MMP26: variants seen among roughly 807,000 people sequenced by gnomAD.
MMP26 encodes matrix metallopeptidase 26, also known as matrix metalloproteinase-26.
In MMP26, 33 loss-of-function variants were observed where a neutral mutation model predicts 31.0. That is an observed-to-expected ratio of 1.06 (90% CI 0.81 to 1.42). MMP26 has a LOEUF of 1.42. MMP26 is among the 40% of genes most tolerant of loss of function. The probability of loss-of-function intolerance (pLI) is 0.00; values close to 1 mark genes in which losing one functional copy is unlikely to be tolerated. For missense variants in MMP26, 347 were observed against 316.1 expected, an observed-to-expected ratio of 1.10 and a Z score of -0.74; for synonymous variants, 122 against 114.9, an observed-to-expected ratio of 1.06 and a Z score of -0.40.
At position 4,988,194 on chromosome 11, in the gene MMP26, G is replaced by A. The variant is rs1184389297; in HGVS notation, c.-18G>A. On this transcript the variant is annotated 5_prime_UTR_variant, in exon 3 of 8. Coordinates refer to ENST00000380390, the MANE Select transcript of MMP26 (RefSeq NM_021801.5). Reference sequence around the variant, plus strand: ...TTGTGTACCTGAATTCAAGCAGTGGGACAAATGAGGGTTTGGCATGCAGCT... The same window carrying A: ...TTGTGTACCTGAATTCAAGCAGTGGAACAAATGAGGGTTTGGCATGCAGCT... 1 of 1,612,358 alleles carries A rather than the reference G, an allele frequency of 6.2e-7. No individual in the cohort carries two copies. Among genetic ancestry groups the A allele is most frequent in the Non-Finnish European group, 8.5e-7 (1 of 1,178,584 alleles).
chr11:4,872,294 T>C (rs1688822393), intron 2 of MMP26, among the ~76,000 whole-genome samples: 1 of 152,080 alleles, frequency 6.6e-6, no homozygotes, highest in Non-Finnish European at 1.5e-5. Flanking sequence ...GGTTTTTACA[T>C]TGCTCGTGTT....
chr11:4,706,650 A>G (rs1847784957), intron 1 of MMP26, among the ~76,000 whole-genome samples: 1 of 152,026 alleles, frequency 6.6e-6, no homozygotes, highest in Non-Finnish European at 1.5e-5. Flanking sequence ...GATTTACTCT[A>G]ACTTTTAATA....
At chr11:4,847,702 T>G (rs1283115102) in intron 2 of MMP26, 1 of 152,252 alleles carries the variant, frequency 6.6e-6, no homozygotes, top group Non-Finnish European at 1.5e-5. Context: ...CCTGGCCTGA[T>G]CAGAGTTAAA....
At chr11:4,957,296 C>T (rs1448823692) in intron 2 of MMP26, among the ~76,000 whole-genome samples, 1 of 152,160 alleles carries the variant, frequency 6.6e-6, no homozygotes, top group Non-Finnish European at 1.5e-5. Context: ...AAAACATAAA[C>T]ATTCCAAAGA....
intron 2 of MMP26, among the ~76,000 whole-genome samples, chr11:4,966,661 GAAC>G (rs1393174099): frequency 1.3e-5 from 2 of 152,146 alleles, no homozygotes; most frequent in Non-Finnish European, 2.9e-5. Context: ...TCTTTAGTGT[GAAC>G]AACGTTAGTT....
At chr11:4,824,061 TG>T (rs1849548780) in intron 2 of MMP26, among the ~76,000 whole-genome samples, 1 of 152,132 alleles carries the variant, frequency 6.6e-6, no homozygotes, top group Non-Finnish European at 1.5e-5. Context: ...GACCTTAGAC[TG>T]TTTGGGGGGA....
At chr11:4,799,328 G>T (rs899673513) in intron 2 of MMP26, among the ~76,000 whole-genome samples, 2 of 152,120 alleles carry the variant, frequency 1.3e-5, no homozygotes, top group South Asian at 4.1e-4. Flanking sequence ...CAAAGAGAGA[G>T]CTGGCACATC....
intron 2 of MMP26, chr11:4,769,270 A>G: frequency 1.2e-6 from 2 of 1,613,712 alleles, no homozygotes; most frequent in Non-Finnish European, 1.7e-6. Flanking sequence ...ATGACAGGAC[A>G]ATGCATGGTG....
At chr11:4,829,945 C>A (rs1388917139) in intron 2 of MMP26, among the ~76,000 whole-genome samples, 1 of 152,274 alleles carries the variant, frequency 6.6e-6, no homozygotes, top group Middle Eastern at 3.4e-3. Flanking sequence ...TGTGTGGGAA[C>A]AGGATCACAT....
chr11:4,910,279 C>T lies in MMP26; in HGVS notation c.-144-77789C>T, dbSNP rs113513072. 3.5e-3 allele frequency among the ~76,000 whole-genome samples: 538 copies of T among 152,146 alleles called. 4 individuals carry two copies. Among genetic ancestry groups the T allele is most frequent in the African/African-American group, 0.012 (517 of 41,532 alleles). On this transcript the variant is annotated intron_variant, in intron 2 of 7. Transcript: ENST00000380390. ...TTTATTCTATAGTCTCATCTCTGAC[C>T]ATGGCCAGTAAGGAGTCTCTACTTC...
At chr11:4,823,886 T>C (rs1316593615) in intron 2 of MMP26, among the ~76,000 whole-genome samples, 2 of 152,154 alleles carry the variant, frequency 1.3e-5, no homozygotes, top group African/African-American at 2.4e-5. Flanking sequence ...ATAACTCCAT[T>C]AATCACTCTC....
At chr11:4,849,181 G>A (rs1031612539) in intron 2 of MMP26, 1 of 1,612,362 alleles carries the variant, frequency 6.2e-7, no homozygotes, top group Admixed American at 1.7e-5. Flanking sequence ...CTGCTATTGG[G>A]GGCTATCTGA....
rs1421109845 is a variant in MMP26, at chr11:4,947,498, T to C, written c.-144-40570T>C. 2.8e-5 allele frequency: 4 copies of C among 143,978 alleles called. 2 individuals are homozygous for C. The highest frequency in any genetic ancestry group is 6.0e-5 in the Non-Finnish European group (4 of 66,326). 8.9% of individuals were successfully genotyped at this position (143,978 alleles called of 1,614,324 possible). A position where few individuals can be genotyped will look rare whatever the true frequency, so the allele number is the denominator to read the frequency against. On this transcript the variant is annotated intron_variant, in intron 2 of 7. Transcript: ENST00000380390. ...GTTCTATGTGATTAATTGCCAGTAA[T>C]AATAGTCAAATGAAAGCTAAATAAA...
chr11:4,756,981 CAA>C (rs1294465417), intron 1 of MMP26, among the ~76,000 whole-genome samples: 4 of 152,074 alleles, frequency 2.6e-5, no homozygotes, highest in Admixed American at 1.3e-4. Flanking sequence ...GTAATATCAA[CAA>C]GTCTTTTTTT....
chr11:4,930,988 A>T (rs1383081177), intron 2 of MMP26, among the ~76,000 whole-genome samples: 3 of 152,078 alleles, frequency 2.0e-5, no homozygotes, highest in African/African-American at 7.2e-5. Flanking sequence ...ATACAACTAA[A>T]GATAATTTAT....
chr11:4,730,063 A>G (rs1397601474), intron 1 of MMP26, among the ~76,000 whole-genome samples: 1 of 152,020 alleles, frequency 6.6e-6, no homozygotes, highest in South Asian at 2.1e-4. Flanking sequence ...ACTAATACAC[A>G]TCACCTTTTC....
chr11:4,798,945 T>C (rs1849145296), intron 2 of MMP26, among the ~76,000 whole-genome samples: 1 of 152,192 alleles, frequency 6.6e-6, no homozygotes, highest in African/African-American at 2.4e-5. Context: ...TTCTAAGTCA[T>C]GTTTGAAAAC....
intron 2 of MMP26, among the ~76,000 whole-genome samples, chr11:4,884,017 C>T (rs566497690): frequency 1.3e-5 from 2 of 152,178 alleles, no homozygotes; most frequent in Admixed American, 6.6e-5. Context: ...GGTTTGTTGA[C>T]CTCAGTTTTC....
intron 1 of MMP26, among the ~76,000 whole-genome samples, chr11:4,763,566 G>A (rs1045110317): frequency 2.6e-5 from 4 of 152,150 alleles, no homozygotes; most frequent in Admixed American, 6.5e-5. Context: ...GATAATTTTG[G>A]CAGGATGACA....
Sources: gnomAD v4.1 joint callset for allele counts (sites outside exome capture counted in the v4.1 genomes callset) on GRCh38, gnomAD v4.1.1 for gene constraint, MANE v1.5 for transcripts, NCBI Gene and HGNC (gene_info 2026-07-23, HGNC 2026-07-21) for gene names.